Variants in PITPNM2 observed in about 807,000 individuals in gnomAD.
PITPNM2 encodes the protein membrane-associated phosphatidylinositol transfer protein 2.
A neutral mutation model predicts 132.2 loss-of-function variants in PITPNM2; 35 were observed. The ratio of observed to expected loss-of-function variants is 0.26; its 90% CI spans 0.20 to 0.35. The LOEUF is 0.35. PITPNM2 is among the 10% of genes least tolerant of loss of function. The pLI is 1.00. For synonymous variants in PITPNM2, 738 were observed against 799.2 expected (o/e 0.92, Z 1.29); for missense variants, 1,332 against 1,912.0 (o/e 0.70, Z 5.66).
rs758714115 is a variant in PITPNM2, at chr12:123,106,752, C to T, written c.-96+3633G>A. Among the ~76,000 whole-genome samples, 6 of 152,216 alleles carry T rather than the reference C, an allele frequency of 3.9e-5. No homozygotes were observed. The highest frequency in any genetic ancestry group is 7.2e-5 in the African/African-American group (3 of 41,456). On this transcript the variant is annotated intron_variant, in intron 2 of 25. Coordinates refer to ENST00000320201, the MANE Select transcript of PITPNM2 (RefSeq NM_020845.3). The surrounding 1 kb of genome is among the most constrained non-coding windows in gnomAD (Gnocchi z 4.4). ...CTGAGGAGGAGCTCTCTGTGGACTT[C>T]AGGGCAGCATCTTTGCTCCAGGGCA...
chr12:123,063,268 C>T (rs976411654), intron 2 of PITPNM2, among the ~76,000 whole-genome samples: 1 of 152,240 alleles, frequency 6.6e-6, no homozygotes, highest in African/African-American at 2.4e-5. Context: ...CCAGGCAGAC[C>T]TGGCTCTGGT....
chr12:123,086,131 C>G (rs1181164283), intron 2 of PITPNM2, among the ~76,000 whole-genome samples: 1 of 152,168 alleles, frequency 6.6e-6, no homozygotes, highest in Non-Finnish European at 1.5e-5. Context: ...AGAAAAATAC[C>G]GGGAAGGTTG....
chr12:123,119,838 T>C (rs73413263), intron 1 of PITPNM2, among the ~76,000 whole-genome samples: 2 of 151,768 alleles, frequency 1.3e-5, no homozygotes, highest in South Asian at 4.1e-4. Context: ...GCTTGTTTTA[T>C]TATTATTTTC....
intron 2 of PITPNM2, among the ~76,000 whole-genome samples, chr12:123,065,558 T>C (rs1436921836): frequency 6.6e-6 from 1 of 152,242 alleles, no homozygotes; most frequent in Non-Finnish European, 1.5e-5. Context: ...GATTATGTCT[T>C]TTTGACAGGT....
intron 10 of PITPNM2, among the ~76,000 whole-genome samples, chr12:122,998,580 A>T (rs1348868501): frequency 2.0e-5 from 3 of 152,280 alleles, no homozygotes; most frequent in South Asian, 4.1e-4. Flanking sequence ...GGGGCCACTG[A>T]TGAGTACTTG....
intron 1 of PITPNM2, among the ~76,000 whole-genome samples, chr12:123,123,133 C>T (rs555926344): frequency 5.3e-4 from 81 of 152,306 alleles, no homozygotes; most frequent in African/African-American, 1.9e-3. Flanking sequence ...CAATCTAAAA[C>T]CCCATCAACA....
At chr12:122,988,665 G>C in intron 19 of PITPNM2, 59 bp downstream of exon 19, 1 of 1,485,724 alleles carries the variant, frequency 6.7e-7, no homozygotes, top group Admixed American at 2.1e-5. Flanking sequence ...TGTGAAATGT[G>C]GCCCTGTCAT....
rs552611893 is a variant in PITPNM2 at position 123,048,653 on chromosome 12, C to A, written c.-95-13968G>T. Among the ~76,000 whole-genome samples, 5 of 151,344 alleles carry A rather than the reference C, an allele frequency of 3.3e-5. No homozygotes were observed. In the East Asian group the frequency reaches 9.8e-4, roughly 30 times the overall value. On this transcript the variant is annotated intron_variant, in intron 2 of 25. Transcript: ENST00000320201. ...GGTCTCGATCTCCTGACCTCATGAT[C>A]CACCCGCCTCGGCCTCCCAAAGTGC... is the stretch of plus-strand genomic sequence containing the variant.
chr12:123,024,089 A>G (rs1566253655), intron 3 of PITPNM2, among the ~76,000 whole-genome samples: 2 of 152,096 alleles, frequency 1.3e-5, no homozygotes, highest in Admixed American at 6.6e-5. Flanking sequence ...CCCCATCTCT[A>G]AAAAAATAGT....
chr12:123,148,597 G>T (rs535279210), intron 1 of PITPNM2, among the ~76,000 whole-genome samples: 1 of 152,196 alleles, frequency 6.6e-6, no homozygotes, highest in African/African-American at 2.4e-5. Flanking sequence ...TCTAGACACG[G>T]AGGAAGGCAA....
intron 2 of PITPNM2, among the ~76,000 whole-genome samples, chr12:123,085,067 C>T (rs1225042872): frequency 6.6e-6 from 1 of 152,132 alleles, no homozygotes; most frequent in Non-Finnish European, 1.5e-5. Context: ...TGTCAGGTGC[C>T]CAAGCACAGA....
rs1566247737 is a variant in PITPNM2, at chr12:123,013,884, C to T, written c.237G>A (p.Lys79=). Residue 79 remains lysine, a synonymous_variant, in exon 4 of 26, where the codon AAG becomes AAA. Coordinates refer to ENST00000320201, the MANE Select transcript of PITPNM2 (RefSeq NM_020845.3). The part of the protein sequence containing the change: ...IPSWFRSILP[K]AALRVVEESW... ...ACTCCTCCACCACCCGCAGGGCTGC[C>T]TTGGGCAGGATGGAGCGGAACCAGC... 1.9e-6 allele frequency: 3 copies of T among 1,614,266 alleles called. No individual in the cohort carries two copies. The highest frequency in any genetic ancestry group is 1.7e-6 in the Non-Finnish European group (2 of 1,180,050).
chr12:122,991,232 A>C (rs972432161), intron 16 of PITPNM2, among the ~76,000 whole-genome samples: 5 of 152,236 alleles, frequency 3.3e-5, no homozygotes, highest in Admixed American at 1.3e-4. Flanking sequence ...TTGGGGACAA[A>C]GGCAGGTGCT....
intron 1 of PITPNM2, among the ~76,000 whole-genome samples, chr12:123,128,969 T>A (rs1025784901): frequency 6.6e-6 from 1 of 151,926 alleles, no homozygotes; most frequent in Non-Finnish European, 1.5e-5. Flanking sequence ...ATCCCGTCTT[T>A]ACTAAAAATA....
At chr12:123,012,546 G>C in intron 5 of PITPNM2, 67 bp downstream of exon 5, 1 of 1,580,262 alleles carries the variant, frequency 6.3e-7, no homozygotes, top group Admixed American at 1.7e-5. Context: ...AAAGGGGCAG[G>C]ACAAGAGGGA....
Position 123,065,407 on chromosome 12 carries a change from G to A in PITPNM2, c.-95-30722C>T, listed in dbSNP as rs557678790. 1.5e-4 allele frequency among the ~76,000 whole-genome samples: 23 copies of A among 152,370 alleles called. 1 individual carries two copies. In the South Asian group the frequency reaches 3.9e-3, roughly 26 times the overall value. Reference sequence around the variant, plus strand: ...GGGCTCTGCCCAGAGCAGGTGCACAGCAGACACTGGAGACGGAGTCAATGG... The same window carrying A: ...GGGCTCTGCCCAGAGCAGGTGCACAACAGACACTGGAGACGGAGTCAATGG... On this transcript the variant is annotated intron_variant, in intron 2 of 25. Transcript: ENST00000320201.
intron 1 of PITPNM2, among the ~76,000 whole-genome samples, chr12:123,118,192 G>C (rs1415922968): frequency 6.6e-6 from 1 of 152,218 alleles, no homozygotes; most frequent in Non-Finnish European, 1.5e-5. Context: ...AGATATGTAG[G>C]AGATACACAG....
chr12:123,013,570 C>T (rs1203177165), intron 4 of PITPNM2, among the ~76,000 whole-genome samples: 1 of 152,210 alleles, frequency 6.6e-6, no homozygotes, highest in Non-Finnish European at 1.5e-5. Context: ...CAACAGCCCT[C>T]GCTTGACTCA....
chr12:123,145,205 G>A (rs751822226), intron 1 of PITPNM2, among the ~76,000 whole-genome samples: 2 of 152,028 alleles, frequency 1.3e-5, no homozygotes, highest in African/African-American at 2.4e-5. Context: ...ACCTAACTAT[G>A]GCCAACAATA....
Sources: allele counts gnomAD v4.1 joint callset (sites outside exome capture counted in the v4.1 genomes callset), GRCh38; gene constraint gnomAD v4.1.1; non-coding constraint Gnocchi (gnomAD v3.1); transcripts MANE v1.5; gene names NCBI Gene and HGNC (gene_info 2026-07-23, HGNC 2026-07-21).